Variants in CWH43 observed in about 807,000 individuals in gnomAD.
CWH43 encodes PGAP2-interacting protein.
A neutral mutation model predicts 85.7 loss-of-function variants in CWH43; 91 were observed. The observed-to-expected ratio is 1.06, with a 90% CI of 0.90 to 1.26. The LOEUF (loss-of-function observed/expected upper bound fraction) is 1.26, where lower values mean the gene tolerates loss of function less well. Ranked by LOEUF, CWH43 falls within the 50% of genes most tolerant of loss-of-function variation. The pLI is 0.00. For missense variants in CWH43, 869 were observed against 839.2 expected (o/e 1.04, Z -0.44); for synonymous variants, 323 against 293.6 (o/e 1.10, Z -1.02).
intron 7 of CWH43, among the ~76,000 whole-genome samples, chr4:49,005,627 A>G (rs896039186): frequency 1.1e-4 from 16 of 144,804 alleles, no homozygotes; most frequent in Admixed American, 4.4e-4. Context: ...TGGTGCAGTC[A>G]TAGCTCCCTG....
chr4:49,039,638 A>G (rs1423945709), intron 13 of CWH43, among the ~76,000 whole-genome samples: 2 of 151,224 alleles, frequency 1.3e-5, no homozygotes, highest in Non-Finnish European at 2.9e-5. Flanking sequence ...GTGTAACATT[A>G]TTTACAGAGT....
At chr4:49,040,521 T>G (rs907062993) in intron 13 of CWH43, among the ~76,000 whole-genome samples, 1 of 152,200 alleles carries the variant, frequency 6.6e-6, no homozygotes, top group African/African-American at 2.4e-5. Flanking sequence ...TCATGTGTCT[T>G]TTGGCTGCAT....
intron 7 of CWH43, among the ~76,000 whole-genome samples, chr4:49,005,776 C>T (rs578092851): frequency 9.2e-5 from 14 of 151,824 alleles, no homozygotes; most frequent in African/African-American, 1.7e-4. Flanking sequence ...CCTGGGCTTA[C>T]GCAATTCTCT....
intron 15 of CWH43, among the ~76,000 whole-genome samples, chr4:49,058,620 A>T (rs1785041779): frequency 6.6e-6 from 1 of 151,778 alleles, no homozygotes; most frequent in South Asian, 2.1e-4. Context: ...AACTTGAAAA[A>T]CTCCCATTAG....
chr4:49,033,605 G>T (rs1297449618), intron 12 of CWH43, among the ~76,000 whole-genome samples: 6 of 152,150 alleles, frequency 3.9e-5, no homozygotes, highest in Admixed American at 2.0e-4. Flanking sequence ...GGGGAGAGAG[G>T]CCAGTGATGG....
chr4:49,009,865 G>T (rs1783296310), intron 8 of CWH43, among the ~76,000 whole-genome samples: 1 of 152,054 alleles, frequency 6.6e-6, no homozygotes, highest in African/African-American at 2.4e-5. Flanking sequence ...ATGTGCTGCT[G>T]GATTTGGTTT....
chr4:49,031,314 G>A (rs1236912030), intron 11 of CWH43: 4 of 174,282 alleles, frequency 2.3e-5, no homozygotes, highest in Middle Eastern at 2.2e-3. Flanking sequence ...CATGATAAGC[G>A]CTGTGTAGAA....
At chr4:48,994,851 T>A (rs368666678) in intron 5 of CWH43, 31 bp downstream of exon 5, 2 of 1,590,542 alleles carry the variant, frequency 1.3e-6, no homozygotes, top group Non-Finnish European at 1.7e-6. Context: ...AATCACAAAA[T>A]CGGCAGTTAT....
At chr4:49,030,778 C>A (rs562163229) in intron 10 of CWH43, 47 bp from the exon 11 acceptor site, 4 of 1,483,350 alleles carry the variant, frequency 2.7e-6, no homozygotes, top group Non-Finnish European at 3.6e-6. Flanking sequence ...TTGTTTTTTG[C>A]CTTGCTGTGA....
At chr4:49,009,093 C>T (rs1276996724) in intron 8 of CWH43, among the ~76,000 whole-genome samples, 1 of 152,170 alleles carries the variant, frequency 6.6e-6, no homozygotes, top group Non-Finnish European at 1.5e-5. Context: ...GATATTGATT[C>T]TTCCTATCCA....
intron 8 of CWH43, chr4:49,016,897 T>C (rs12505576): frequency 0.67 from 528,897 of 784,196 alleles, 186,243 homozygotes; most frequent in Admixed American, 0.8. Flanking sequence ...CACGTAGCTC[T>C]GCAGTCTTTG....
intron 7 of CWH43, 168 bp from the exon 8 acceptor site, chr4:49,007,033 A>G: frequency 3.1e-6 from 2 of 647,934 alleles, no homozygotes; most frequent in Non-Finnish European, 4.5e-6. Flanking sequence ...GATATTTTCC[A>G]GTTATCAAAA....
chr4:49,012,623 G>A (rs1350727017), intron 8 of CWH43, among the ~76,000 whole-genome samples: 1 of 152,104 alleles, frequency 6.6e-6, no homozygotes, highest in East Asian at 1.9e-4. Context: ...TCTATCTTTG[G>A]TCTTTGATGT....
intron 13 of CWH43, among the ~76,000 whole-genome samples, chr4:49,044,484 G>C (rs2030888346): frequency 1.3e-5 from 2 of 152,168 alleles, no homozygotes; most frequent in Non-Finnish European, 2.9e-5. Flanking sequence ...GAGAGACTTG[G>C]AAAGCTGCCA....
rs560902778 is a variant in CWH43 at position 49,058,082 on chromosome 4, A to G, written c.2022-3730A>G. ...GTCTTTTGATTAGAGAATTTAATCC[A>G]TTTACATTTAAAGTAATTACTGATA... On this transcript the variant is annotated intron_variant, in intron 15 of 15. Transcript: ENST00000226432. 3.3e-5 allele frequency among the ~76,000 whole-genome samples: 5 copies of G among 152,252 alleles called. No homozygotes were observed. In the East Asian group the frequency reaches 9.7e-4, roughly 29 times the overall value.
chr4:48,991,911 T>C (rs1434471100), intron 3 of CWH43, 25 bp from the exon 4 acceptor site: 9 of 1,600,974 alleles, frequency 5.6e-6, no homozygotes, highest in Non-Finnish European at 6.8e-6. Flanking sequence ...ATAAAAAGTG[T>C]TTAAAAATAC....
At position 49,003,224 on chromosome 4, in the gene CWH43, A is replaced by G. The variant is rs116898899; in HGVS notation, c.803-511A>G. Among the ~76,000 whole-genome samples the G allele has an allele frequency of 9.3e-4, 142 of 152,268 alleles. 1 individual carries two copies. The East Asian group carries it at 0.025, about 27-fold the overall frequency. Reference sequence around the variant, plus strand: ...CTAAAGCAGTGAGCCTACAAATGCTATGTCTTCTCTTGGGGCTGTGTGGTT... The same window carrying G: ...CTAAAGCAGTGAGCCTACAAATGCTGTGTCTTCTCTTGGGGCTGTGTGGTT... On this transcript the variant is annotated intron_variant, in intron 6 of 15. Transcript: ENST00000226432.
chr4:49,030,729 AG>A (rs1369312729), intron 10 of CWH43, 95 bp from the exon 11 acceptor site: 1 of 1,224,534 alleles, frequency 8.2e-7, no homozygotes, highest in Admixed American at 2.9e-5. Context: ...TTATCAGTAA[AG>A]AAAAAAAGGT....
chr4:49,012,957 C>A (rs1416658521), intron 8 of CWH43, among the ~76,000 whole-genome samples: 1 of 152,246 alleles, frequency 6.6e-6, no homozygotes, highest in African/African-American at 2.4e-5. Flanking sequence ...CAGGGACCTA[C>A]ATGAGGAGGC....
Sources: allele counts gnomAD v4.1 joint callset (sites outside exome capture counted in the v4.1 genomes callset), GRCh38; gene constraint gnomAD v4.1.1; transcripts MANE v1.5; gene names NCBI Gene and HGNC (gene_info 2026-07-23, HGNC 2026-07-21).